PLCB4: variants seen among roughly 807,000 people sequenced by gnomAD.
PLCB4 encodes the protein 1-phosphatidylinositol 4,5-bisphosphate phosphodiesterase beta-4.
PLCB4 carries 77 observed loss-of-function variants against 178.8 expected under a neutral mutation model. The observed-to-expected ratio is 0.43, with a 90% CI of 0.36 to 0.52. The LOEUF (loss-of-function observed/expected upper bound fraction) is 0.52. Among genes scored for constraint, PLCB4 ranks in the 20% least tolerant of loss-of-function variants. The pLI is 0.00. For synonymous variants in PLCB4, 496 were observed against 490.8 expected (o/e 1.01, Z -0.14); for missense variants, 1,024 against 1,453.4 (o/e 0.70, Z 4.80).
intron 5 of PLCB4, among the ~76,000 whole-genome samples, chr20:9,337,407 G>A (rs1321016634): frequency 6.6e-6 from 1 of 152,190 alleles, no homozygotes; most frequent in Admixed American, 6.5e-5. Context: ...CAGTCTAGGA[G>A]CAATGTCAGG....
chr20:9,199,140 A>G (rs1339947442), intron 2 of PLCB4, among the ~76,000 whole-genome samples: 1 of 148,700 alleles, frequency 6.7e-6, no homozygotes, highest in Non-Finnish European at 1.5e-5. Flanking sequence ...TTTAAAAGAA[A>G]TTCCAAAATA....
At chr20:9,292,304 TG>T (rs2094586922) in intron 3 of PLCB4, among the ~76,000 whole-genome samples, 1 of 152,222 alleles carries the variant, frequency 6.6e-6, no homozygotes, top group Admixed American at 6.5e-5. Context: ...TGATTCATGT[TG>T]GCGATGTTTT....
intron 3 of PLCB4, among the ~76,000 whole-genome samples, chr20:9,256,096 A>T (rs2094232389): frequency 6.6e-6 from 1 of 152,168 alleles, no homozygotes; most frequent in South Asian, 2.1e-4. Flanking sequence ...GTTCTCGTAT[A>T]CATATGTCTG....
chr20:9,144,762 A>C (rs2146892890), intron 2 of PLCB4, among the ~76,000 whole-genome samples: 1 of 63,758 alleles, frequency 1.6e-5, no homozygotes, highest in Non-Finnish European at 2.9e-5. Context: ...AAGGAGGGGA[A>C]GGAGGGGAAT....
intron 2 of PLCB4, among the ~76,000 whole-genome samples, chr20:9,103,468 T>C (rs2091255483): frequency 6.6e-6 from 1 of 152,192 alleles, no homozygotes; most frequent in African/African-American, 2.4e-5. Flanking sequence ...TCTCTTAAAG[T>C]CTTGCTTAAT....
rs776554053 is a variant in PLCB4 at position 9,408,726 on chromosome 20, A to G, written c.1874+9A>G. ...GCAATTGAATTTGTCAAGTATCCTT[A>G]TGTATCAAGTGGAATGAGTGGTTGA... On this transcript the variant is annotated intron_variant, in intron 23 of 39. Coordinates refer to ENST00000378473, the MANE Select transcript of PLCB4 (RefSeq NM_001377142.1). 6.9e-7 allele frequency: 1 copy of G among 1,453,140 alleles called. No homozygotes were observed. The highest frequency in any genetic ancestry group is 9.7e-7 in the Non-Finnish European group (1 of 1,034,004). 90.0% of individuals were successfully genotyped at this position (1,453,140 alleles called of 1,614,324 possible). A position where few individuals can be genotyped will look rare whatever the true frequency, so the allele number is the denominator to read the frequency against.
At chr20:9,160,482 T>A (rs2092869408) in intron 2 of PLCB4, among the ~76,000 whole-genome samples, 1 of 152,178 alleles carries the variant, frequency 6.6e-6, no homozygotes, top group African/African-American at 2.4e-5. Context: ...GTTTTTGGTA[T>A]TTTATAATTT....
chr20:9,284,921 G>A (rs1475759613), intron 3 of PLCB4, among the ~76,000 whole-genome samples: 1 of 151,912 alleles, frequency 6.6e-6, no homozygotes, highest in East Asian at 1.9e-4. Context: ...CTCATTATAT[G>A]TTATAAATGA....
chr20:9,223,504 G>A (rs1234004176), intron 3 of PLCB4, among the ~76,000 whole-genome samples: 2 of 152,192 alleles, frequency 1.3e-5, no homozygotes, highest in African/African-American at 4.8e-5. Context: ...TTGCAGTCAG[G>A]TGGCAGCTGA....
chr20:9,419,987 G>A (rs1301984405), intron 26 of PLCB4, 78 bp downstream of exon 26: 7 of 886,426 alleles, frequency 7.9e-6, no homozygotes, highest in Non-Finnish European at 1.3e-5. Flanking sequence ...AATATTGAAT[G>A]TTAAATTGCA....
Position 9,389,953 on chromosome 20 carries a change from C to T in PLCB4, c.1233C>T (p.His411=), listed in dbSNP as rs1305910911. 3 of 1,526,354 alleles carry T rather than the reference C, an allele frequency of 2.0e-6. No homozygotes were observed. The highest frequency in any genetic ancestry group is 2.7e-6 in the Non-Finnish European group (3 of 1,102,578). 94.6% of individuals were successfully genotyped at this position (1,526,354 alleles called of 1,614,324 possible). Residue 411 remains histidine, a synonymous_variant, in exon 16 of 40, where the codon CAC becomes CAT. Transcript: ENST00000378473. ...CTGTAATTCTCTCCTTTGAAAATCA[C>T]TGCAGGTATAATGATCCATTCTGCC... ...EYPVILSFEN[H]CSKYQQYKMS...
intron 34 of PLCB4, 47 bp downstream of exon 34, chr20:9,457,536 T>C (rs759880039): frequency 1.1e-6 from 1 of 912,456 alleles, no homozygotes; most frequent in Non-Finnish European, 1.8e-6. Flanking sequence ...GAAGACACTT[T>C]GTAATTTTTT....
At chr20:9,306,269 C>G (rs1262903845) in intron 3 of PLCB4, among the ~76,000 whole-genome samples, 1 of 152,120 alleles carries the variant, frequency 6.6e-6, no homozygotes, top group Non-Finnish European at 1.5e-5. Flanking sequence ...TCACATCCAG[C>G]TAATTTTTGT....
At chr20:9,165,092 G>C (rs1001490628) in intron 2 of PLCB4, among the ~76,000 whole-genome samples, 6 of 152,148 alleles carry the variant, frequency 3.9e-5, no homozygotes, top group Non-Finnish European at 8.8e-5. Context: ...TCATCTCTGA[G>C]GTCTGACAGT....
At chr20:9,374,386 G>A (rs2036502639) in intron 12 of PLCB4, among the ~76,000 whole-genome samples, 1 of 152,136 alleles carries the variant, frequency 6.6e-6, no homozygotes, top group South Asian at 2.1e-4. Context: ...TGCCACAGCT[G>A]CTCAGAAGTT....
chr20:9,399,401 C>T (rs1225050076), intron 19 of PLCB4, among the ~76,000 whole-genome samples: 1 of 152,188 alleles, frequency 6.6e-6, no homozygotes, highest in Non-Finnish European at 1.5e-5. Flanking sequence ...ACCTTAGTGC[C>T]ACTGTATGAA....
Position 9,075,475 on chromosome 20 carries a change from C to T in PLCB4, c.-135+6269C>T, listed in dbSNP as rs73609403. Among the ~76,000 whole-genome samples the T allele has an allele frequency of 4.2e-3, 639 of 152,318 alleles. 3 individuals carry two copies. The highest frequency in any genetic ancestry group is 0.014 in the African/African-American group (571 of 41,564). On this transcript the variant is annotated intron_variant, in intron 1 of 39. Transcript: ENST00000378473. ...ATAGGGAGAGTACTAAATGCTAATT[C>T]GTGGTAGCCTAAACAAATAGTTTTA...
At chr20:9,157,550 A>C (rs1004232918) in intron 2 of PLCB4, among the ~76,000 whole-genome samples, 4 of 152,282 alleles carry the variant, frequency 2.6e-5, no homozygotes, top group African/African-American at 7.2e-5. Flanking sequence ...AAGATAGTGC[A>C]CTTGATTTTC....
chr20:9,203,056 A>AAAAAAAT (rs769628056), intron 2 of PLCB4, among the ~76,000 whole-genome samples: 26 of 126,146 alleles, frequency 2.1e-4, no homozygotes, highest in African/African-American at 8.6e-4. Flanking sequence ...AAAAAAAAAA[A>AAAAAAAT]ATATATATAT....
Sources: gnomAD v4.1 joint callset for allele counts (sites outside exome capture counted in the v4.1 genomes callset) on GRCh38, gnomAD v4.1.1 for gene constraint, MANE v1.5 for transcripts, NCBI Gene and HGNC (gene_info 2026-07-23, HGNC 2026-07-21) for gene names.